The following PACS1 variants were observed in gnomAD, a reference collection of about 807,000 sequenced individuals.
PACS1 encodes PACS-1.
In PACS1, 24 loss-of-function variants were observed where a neutral mutation model predicts 115.0. That is an observed-to-expected ratio of 0.21 (90% CI 0.15 to 0.29). The LOEUF is 0.29. Ranked by LOEUF, PACS1 falls within the 10% of genes least tolerant of loss-of-function variation. The pLI is 1.00. For synonymous variants in PACS1, 453 were observed against 504.5 expected, an observed-to-expected ratio of 0.90 and a Z score of 1.37; for missense variants, 838 against 1,251.2, an observed-to-expected ratio of 0.67 and a Z score of 4.98.
intron 1 of PACS1, among the ~76,000 whole-genome samples, chr11:66,143,009 G>A (rs1859033303): frequency 6.6e-6 from 1 of 151,858 alleles, no homozygotes; most frequent in Non-Finnish European, 1.5e-5. Context: ...TTACAGACAG[G>A]TCAGATTAAT....
At chr11:66,197,371 A>G (rs1193424956) in intron 2 of PACS1, among the ~76,000 whole-genome samples, 2 of 152,218 alleles carry the variant, frequency 1.3e-5, no homozygotes, top group Non-Finnish European at 2.9e-5. Flanking sequence ...ATTGGATTTT[A>G]ACATATAAGA....
Position 66,242,993 on chromosome 11 carries a change from T to C in PACS1, c.2738T>C (p.Leu913Pro). 3 of 1,613,854 alleles carry C rather than the reference T, an allele frequency of 1.9e-6. No individual in the cohort carries two copies. Among genetic ancestry groups the C allele is most frequent in the Non-Finnish European group, 2.5e-6 (3 of 1,179,912 alleles). Residue 913 changes from leucine to proline, a missense_variant, in exon 23 of 24, where the codon CTC becomes CCC. Physicochemically the swap from Leu to Pro is moderately conservative, Grantham distance 98. This residue lies in a region of PACS1 where 84 missense variants were observed against 187.1 expected (regional missense o/e 0.45). Transcript: ENST00000320580. ...KSQVIEGISR[L>P]ICSAKQQQTM... Reference sequence around the variant, plus strand: ...CAGGTCATTGAAGGCATCAGCCGCCTCATCTGCTCAGCCAAGCAGCAGCAG... The same window carrying C: ...CAGGTCATTGAAGGCATCAGCCGCCCCATCTGCTCAGCCAAGCAGCAGCAG...
At chr11:66,072,463 A>G (rs1857325490) in intron 1 of PACS1, among the ~76,000 whole-genome samples, 1 of 151,904 alleles carries the variant, frequency 6.6e-6, no homozygotes, top group African/African-American at 2.4e-5. Flanking sequence ...GCAAAAGTAG[A>G]TTGTTTCCAC....
Position 66,243,397 on chromosome 11 carries a change from T to A in PACS1, c.*117T>A. Reference sequence around the variant, plus strand: ...CCCTTCCCTGGCACCAGGGTCTGCCTCTCACTCGCCCAGGTCCCGAAGGAC... The same window carrying A: ...CCCTTCCCTGGCACCAGGGTCTGCCACTCACTCGCCCAGGTCCCGAAGGAC... On this transcript the variant is annotated 3_prime_UTR_variant, in exon 24 of 24. Coordinates refer to ENST00000320580, the MANE Select transcript of PACS1 (RefSeq NM_018026.4). 1 of 697,482 alleles carries A rather than the reference T, an allele frequency of 1.4e-6. No homozygotes were observed. The highest frequency in any genetic ancestry group is 2.5e-6 in the Non-Finnish European group (1 of 406,202). 43.2% of individuals were successfully genotyped at this position (697,482 alleles called of 1,614,324 possible). A position where few individuals can be genotyped will look rare whatever the true frequency, so the allele number is the denominator to read the frequency against.
At chr11:66,091,223 C>G (rs1857653699) in intron 1 of PACS1, among the ~76,000 whole-genome samples, 1 of 152,150 alleles carries the variant, frequency 6.6e-6, no homozygotes. Context: ...TCACTGCAAC[C>G]TCCGCCTCCC....
intron 1 of PACS1, among the ~76,000 whole-genome samples, chr11:66,146,706 T>G (rs1482113957): frequency 6.6e-6 from 1 of 152,046 alleles, no homozygotes. Flanking sequence ...GGATAAATAT[T>G]AAGGGATCCA....
intron 2 of PACS1, among the ~76,000 whole-genome samples, chr11:66,201,091 C>A (rs1357768719): frequency 1.3e-5 from 2 of 151,884 alleles, no homozygotes; most frequent in Non-Finnish European, 2.9e-5. Flanking sequence ...TGGTGGCAGG[C>A]GCCTGTAGTC....
chr11:66,156,677 AC>A (rs1859369586), intron 1 of PACS1, among the ~76,000 whole-genome samples: 1 of 151,470 alleles, frequency 6.6e-6, no homozygotes, highest in Admixed American at 6.6e-5. Context: ...ACACGGTGAA[AC>A]CCTGTTTCTA....
intron 1 of PACS1, among the ~76,000 whole-genome samples, chr11:66,178,760 C>A (rs1293460974): frequency 5.3e-5 from 8 of 151,944 alleles, no homozygotes; most frequent in African/African-American, 1.7e-4. Context: ...TAGCTAAGTT[C>A]TCACATCTCT....
rs1169502493 is a variant in PACS1 at position 66,070,716 on chromosome 11, C to A, written c.230C>A (p.Ala77Asp). Residue 77 changes from alanine to aspartate, a missense_variant, in exon 1 of 24, where the codon GCC becomes GAC. Physicochemically the swap from Ala to Asp is moderately radical, Grantham distance 126. Around this residue, in one of 6 missense-constraint regions of PACS1, gnomAD observed 129 missense variants for 109.4 expected, o/e 1.18. Transcript: ENST00000320580. The surrounding 1 kb of genome is among the most constrained non-coding windows in gnomAD (Gnocchi z 5.9). ...SSSSSTSTSM[A>D]VAVASGSAPP... is the part of the protein sequence containing the mutation. Reference sequence around the variant, plus strand: ...TCCTCGTCTACCTCCACCTCCATGGCCGTGGCGGTGGCCTCGGGCTCCGCG... The same window carrying A: ...TCCTCGTCTACCTCCACCTCCATGGACGTGGCGGTGGCCTCGGGCTCCGCG... The A allele has an allele frequency of 6.4e-7, 1 of 1,574,438 alleles. No individual in the cohort carries two copies. The highest frequency in any genetic ancestry group is 8.6e-7 in the Non-Finnish European group (1 of 1,168,080).
intron 10 of PACS1, among the ~76,000 whole-genome samples, chr11:66,222,767 A>C (rs1855380519): frequency 6.6e-6 from 1 of 152,178 alleles, no homozygotes; most frequent in Non-Finnish European, 1.5e-5. Flanking sequence ...GCTGAAAAGC[A>C]CGGGTCTGAA....
intron 20 of PACS1, 98 bp downstream of exon 20, chr11:66,238,944 A>AGGGAAGTCAGAGCTTGAGC: frequency 7.2e-7 from 1 of 1,391,340 alleles, no homozygotes; most frequent in Non-Finnish European, 1.0e-6. Flanking sequence ...GGATGCCCTG[A>AGGGAAGTCAGAGCTTGAGC]GGGAAGTCAG....
chr11:66,211,240 G>T lies in PACS1; in HGVS notation c.641G>T (p.Gly214Val). 1 of 1,613,660 alleles carries T rather than the reference G, an allele frequency of 6.2e-7. No homozygotes were observed. Among genetic ancestry groups the T allele is most frequent in the South Asian group, 1.1e-5 (1 of 91,058 alleles). Reference protein sequence around the residue: ...TILGYKTLAVGLINMAEVMQH... With the variant: ...TILGYKTLAVVLINMAEVMQH... ...TTGGGCTATAAGACCTTGGCCGTGG[G>T]ACTCATCAACATGGCAGAGGTGAGA... The change falls in exon 4 of 24, where the codon GGA (glycine) becomes GTA (valine). Residue 214 changes from glycine (G) to valine (V), a missense_variant. This residue lies in a region of PACS1 where 223 missense variants were observed against 354.0 expected (regional missense o/e 0.63). Transcript: ENST00000320580.
At chr11:66,108,432 G>A (rs750789775) in intron 1 of PACS1, among the ~76,000 whole-genome samples, 1 of 152,072 alleles carries the variant, frequency 6.6e-6, no homozygotes, top group African/African-American at 2.4e-5. Context: ...CTCCAGTATA[G>A]GAATTTAGGG....
intron 1 of PACS1, among the ~76,000 whole-genome samples, chr11:66,150,196 A>G (rs1038097680): frequency 6.6e-6 from 1 of 152,238 alleles, no homozygotes; most frequent in Non-Finnish European, 1.5e-5. Flanking sequence ...CTCTACAGCA[A>G]TTGGAATCCA....
At chr11:66,184,966 C>T (rs1860090519) in intron 1 of PACS1, among the ~76,000 whole-genome samples, 1 of 152,078 alleles carries the variant, frequency 6.6e-6, no homozygotes, top group Non-Finnish European at 1.5e-5. Context: ...GCTTGCATGC[C>T]TATGAAGTGG....
intron 10 of PACS1, among the ~76,000 whole-genome samples, chr11:66,226,946 G>A (rs1200460306): frequency 6.6e-6 from 1 of 152,236 alleles, no homozygotes; most frequent in African/African-American, 2.4e-5. Flanking sequence ...GCTAATAAGA[G>A]TTGGGGACAA....
intron 1 of PACS1, among the ~76,000 whole-genome samples, chr11:66,191,636 T>G (rs1854524532): frequency 1.3e-5 from 2 of 152,244 alleles, no homozygotes. Flanking sequence ...AGAGACCTGA[T>G]AAGCTTTCAT....
At chr11:66,134,496 C>T (rs1858794469) in intron 1 of PACS1, among the ~76,000 whole-genome samples, 2 of 151,878 alleles carry the variant, frequency 1.3e-5, no homozygotes, top group South Asian at 4.2e-4. Context: ...TGACACGCTA[C>T]GTATCGTTGC....
Sources: allele counts gnomAD v4.1 joint callset (sites outside exome capture counted in the v4.1 genomes callset), GRCh38; gene constraint gnomAD v4.1.1; regional missense constraint gnomAD v4.1.1; non-coding constraint Gnocchi (gnomAD v3.1); transcripts MANE v1.5; gene names NCBI Gene and HGNC (gene_info 2026-07-23, HGNC 2026-07-21).